Variants in PRPSAP2 observed in about 807,000 individuals in gnomAD.
The protein encoded by PRPSAP2 is phosphoribosyl pyrophosphate synthase-associated protein 2.
Under a neutral mutation model 40.6 loss-of-function variants are expected in PRPSAP2, and 24 were observed. The ratio of observed to expected loss-of-function variants is 0.59; its 90% CI spans 0.43 to 0.83. PRPSAP2 has a LOEUF of 0.83. Ranked by LOEUF, PRPSAP2 falls within the 40% of genes least tolerant of loss-of-function variation. The pLI, the probability that PRPSAP2 is intolerant of heterozygous loss-of-function variation, is 0.00. For synonymous variants in PRPSAP2, 149 were observed against 164.7 expected, an observed-to-expected ratio of 0.90 and a Z score of 0.73; for missense variants, 292 against 465.6, an observed-to-expected ratio of 0.63 and a Z score of 3.43.
At chr17:18,902,914 C>T (rs900367652) in intron 8 of PRPSAP2, among the ~76,000 whole-genome samples, 3 of 150,786 alleles carry the variant, frequency 2.0e-5, no homozygotes, top group African/African-American at 4.9e-5. Flanking sequence ...TGCCCCCCTC[C>T]ACTCAGTCTT....
intron 4 of PRPSAP2, among the ~76,000 whole-genome samples, chr17:18,869,834 C>CTTT (rs146119397): frequency 2.1e-5 from 3 of 143,226 alleles, no homozygotes; most frequent in African/African-American, 7.9e-5. Context: ...CATTTTGCTA[C>CTTT]TTTTTTTTTG....
At chr17:18,916,539 G>A (rs1390484111) in intron 9 of PRPSAP2, among the ~76,000 whole-genome samples, 4 of 151,872 alleles carry the variant, frequency 2.6e-5, no homozygotes, top group Admixed American at 1.3e-4. Flanking sequence ...GCACCACCAC[G>A]ACTGGCTAAT....
intron 10 of PRPSAP2, chr17:18,928,571 TGTG>T: frequency 2.0e-6 from 1 of 495,008 alleles, no homozygotes; most frequent in South Asian, 1.9e-5. Flanking sequence ...GAGCCTGGAG[TGTG>T]GTGGGAGATA....
At chr17:18,886,391 T>C (rs2039145194) in intron 7 of PRPSAP2, among the ~76,000 whole-genome samples, 1 of 151,898 alleles carries the variant, frequency 6.6e-6, no homozygotes, top group Non-Finnish European at 1.5e-5. Context: ...AGTCTCACTC[T>C]GTCGCCCAGG....
intron 1 of PRPSAP2, among the ~76,000 whole-genome samples, chr17:18,863,888 G>A (rs1274755259): frequency 2.2e-5 from 3 of 138,836 alleles, no homozygotes; most frequent in Admixed American, 1.6e-4. Context: ...TCATTGCCCA[G>A]GTTGGAGTGC....
At chr17:18,857,180 A>G (rs2036636780), upstream of PRPSAP2, among the ~76,000 whole-genome samples, 1 of 151,846 alleles carries the variant, frequency 6.6e-6, no homozygotes, top group Admixed American at 6.6e-5. Flanking sequence ...CTAAAAATAC[A>G]AAAAATTAGT....
chr17:18,887,698 T>C (rs1426749135), intron 7 of PRPSAP2, among the ~76,000 whole-genome samples: 1 of 152,200 alleles, frequency 6.6e-6, no homozygotes, highest in Non-Finnish European at 1.5e-5. Context: ...GGAAATTCCT[T>C]GTCTTGATCT....
chr17:18,882,492 C>T, intron 6 of PRPSAP2, 76 bp from the exon 7 acceptor site: 1 of 940,978 alleles, frequency 1.1e-6, no homozygotes. Flanking sequence ...GCCTGGGTGA[C>T]AGAATGGGAT....
chr17:18,901,368 C>T (rs1042895307), intron 8 of PRPSAP2, among the ~76,000 whole-genome samples: 1 of 151,974 alleles, frequency 6.6e-6, no homozygotes, highest in Non-Finnish European at 1.5e-5. Context: ...TGCCTTCTCT[C>T]TACCTTTTAG....
intron 6 of PRPSAP2, among the ~76,000 whole-genome samples, chr17:18,880,996 G>A (rs1272924714): frequency 3.3e-5 from 5 of 151,668 alleles, no homozygotes; most frequent in Middle Eastern, 3.2e-3. Flanking sequence ...ACCACACTTG[G>A]CTAATTTTTG....
chr17:18,862,749 A>T (rs1043696222), intron 1 of PRPSAP2, among the ~76,000 whole-genome samples: 13 of 152,110 alleles, frequency 8.5e-5, no homozygotes, highest in Non-Finnish European at 1.9e-4. Flanking sequence ...ACTACAGGAA[A>T]ATTAGTTTGT....
At chr17:18,877,542 T>C (rs1278353006) in intron 5 of PRPSAP2, among the ~76,000 whole-genome samples, 156 bp from the exon 6 acceptor site, 6 of 151,954 alleles carry the variant, frequency 3.9e-5, no homozygotes, top group African/African-American at 1.5e-4. Flanking sequence ...GGGGATCTTA[T>C]GGAGGCCTGA....
intron 5 of PRPSAP2, among the ~76,000 whole-genome samples, chr17:18,874,964 G>C (rs1352036719): frequency 6.6e-6 from 1 of 152,166 alleles, no homozygotes; most frequent in Non-Finnish European, 1.5e-5. Flanking sequence ...GGATGGGTAG[G>C]CATTGAGGGC....
At chr17:18,890,783 A>G (rs1486957611) in intron 8 of PRPSAP2, among the ~76,000 whole-genome samples, 1 of 109,278 alleles carries the variant, frequency 9.2e-6, no homozygotes, top group Non-Finnish European at 2.1e-5. Flanking sequence ...CCCTTATTTG[A>G]GGAACTCAGA....
In PRPSAP2 at chr17:18,911,253, T is replaced by TA. The variant is rs1173449230; in HGVS notation, c.733+4dup. On this transcript the variant is annotated splice_region_variant and intron_variant, in intron 9 of 11. Transcript: ENST00000268835. This position sits in a 1 kb window ranked among gnomAD's most constrained non-coding sequence, Gnocchi z 4.5. The stretch of plus-strand genomic sequence containing the variant: ...TCCACCCCAGCCTGGAGATCCCCAG[T>TA]AAGTGTGCTGCTGCCTCTTTCCCAC... The TA allele has an allele frequency of 1.2e-6, 2 of 1,606,278 alleles. No individual in the cohort carries two copies. Among genetic ancestry groups the TA allele is most frequent in the Middle Eastern group, 3.3e-4 (2 of 6,030 alleles).
At chr17:18,904,559 C>A (rs542067610) in intron 8 of PRPSAP2, 16 of 152,134 alleles carry the variant, frequency 1.1e-4, no homozygotes, top group Admixed American at 1.0e-3. Flanking sequence ...GGATAACAGG[C>A]GTGAGCCACT....
chr17:18,914,249 C>CTTTTT lies in PRPSAP2; in HGVS notation c.733+3020_733+3024dup, dbSNP rs60892883. Among the ~76,000 whole-genome samples, 63 of 48,106 alleles carry CTTTTT rather than the reference C, an allele frequency of 1.3e-3. 4 individuals are homozygous for CTTTTT. The highest frequency in any genetic ancestry group is 5.0e-3 in the African/African-American group (52 of 10,350). 31.6% of individuals were successfully genotyped at this position (48,106 alleles called of 152,430 possible). On this transcript the variant is annotated intron_variant, in intron 9 of 11. Coordinates refer to ENST00000268835, the MANE Select transcript of PRPSAP2 (RefSeq NM_002767.4). ...GAGTTCTGTCCTGAACATGTTTTTG[C>CTTTTT]TTTTTTTTTTTTTTTTTTTTTTTTT...
intron 8 of PRPSAP2, among the ~76,000 whole-genome samples, 198 bp downstream of exon 8, chr17:18,890,075 A>G (rs1001453810): frequency 4.0e-5 from 6 of 151,488 alleles, no homozygotes; most frequent in African/African-American, 1.2e-4. Flanking sequence ...TTTTTTTCCA[A>G]TCCCACTCTA....
rs1327752758 is a variant in PRPSAP2 at position 18,858,133 on chromosome 17, A to C, written c.-257A>C. On this transcript the variant is annotated 5_prime_UTR_variant, in exon 1 of 12. Transcript: ENST00000268835. ...GCCCCTCCCCGCCCACCGGCCTCGCAGTCACCGCGGACGCCAATCTTGTGC... is the reference window on the plus strand; with the variant it reads ...GCCCCTCCCCGCCCACCGGCCTCGCCGTCACCGCGGACGCCAATCTTGTGC... The C allele has an allele frequency of 9.2e-6, 1 of 108,182 alleles. No homozygotes were observed. The highest frequency in any genetic ancestry group is 3.5e-5 in the African/African-American group (1 of 28,520). The allele number at this position is 108,182 out of a possible 1,614,324, so 6.7% of individuals were successfully genotyped here. A position where few individuals can be genotyped will look rare whatever the true frequency, so the allele number is the denominator to read the frequency against.
Sources: allele counts gnomAD v4.1 joint callset (sites outside exome capture counted in the v4.1 genomes callset), GRCh38; gene constraint gnomAD v4.1.1; non-coding constraint Gnocchi (gnomAD v3.1); transcripts MANE v1.5; gene names NCBI Gene and HGNC (gene_info 2026-07-23, HGNC 2026-07-21).